The following GALNT2 variants were observed in gnomAD, a reference collection of about 807,000 sequenced individuals.
GALNT2 encodes polypeptide N-acetylgalactosaminyltransferase 2, also known as UDP-GalNAc:polypeptide N-acetylgalactosaminyltransferase 2.
A neutral mutation model predicts 81.4 loss-of-function variants in GALNT2; 31 were observed. The ratio of observed to expected loss-of-function variants is 0.38; its 90% CI spans 0.29 to 0.51. The LOEUF is 0.51. Ranked by LOEUF, GALNT2 falls within the 20% of genes least tolerant of loss-of-function variation. GALNT2 has a pLI of 0.87. For missense variants in GALNT2, 629 were observed against 765.7 expected, an observed-to-expected ratio of 0.82 and a Z score of 2.11; for synonymous variants, 303 against 287.4, an observed-to-expected ratio of 1.05 and a Z score of -0.55.
chr1:230,274,669 C>T (rs986381899), intron 15 of GALNT2, 105 bp downstream of exon 15: 12 of 1,383,680 alleles, frequency 8.7e-6, no homozygotes, highest in African/African-American at 5.8e-5. Flanking sequence ...TCCATCTCTG[C>T]GTGTACTTAT....
At chr1:230,137,429 G>A (rs1040612530) in intron 1 of GALNT2, among the ~76,000 whole-genome samples, 1 of 152,210 alleles carries the variant, frequency 6.6e-6, no homozygotes, top group African/African-American at 2.4e-5. Context: ...CCTGCAGGCT[G>A]CAGTGGCTGA....
intron 7 of GALNT2, among the ~76,000 whole-genome samples, chr1:230,245,225 A>G (rs1044017877): frequency 6.6e-6 from 1 of 151,986 alleles, no homozygotes; most frequent in African/African-American, 2.4e-5. Flanking sequence ...GCACTTTGGG[A>G]GGCCGAGGCA....
At chr1:230,223,046 T>C (rs1664597410) in intron 3 of GALNT2, among the ~76,000 whole-genome samples, 1 of 152,166 alleles carries the variant, frequency 6.6e-6, no homozygotes, top group Non-Finnish European at 1.5e-5. Flanking sequence ...TCAAAACCTT[T>C]GTTATTGATA....
At chr1:230,238,274 T>C (rs902340915) in intron 6 of GALNT2, among the ~76,000 whole-genome samples, 1 of 152,152 alleles carries the variant, frequency 6.6e-6, no homozygotes, top group Admixed American at 6.5e-5. Flanking sequence ...GTGAAAGCAG[T>C]CTTAGGATCA....
At chr1:230,144,446 C>T (rs971655804) in intron 1 of GALNT2, among the ~76,000 whole-genome samples, 2 of 152,204 alleles carry the variant, frequency 1.3e-5, no homozygotes, top group Non-Finnish European at 2.9e-5. Context: ...TAGCCGGTGC[C>T]TGCATGTGAA....
At chr1:230,202,732 A>G (rs1663928730) in intron 2 of GALNT2, among the ~76,000 whole-genome samples, 1 of 152,178 alleles carries the variant, frequency 6.6e-6, no homozygotes, top group Non-Finnish European at 1.5e-5. Flanking sequence ...ATGATGGAAT[A>G]CCTTATGTGC....
chr1:230,172,501 A>C (rs1281034428), intron 1 of GALNT2, among the ~76,000 whole-genome samples: 1 of 152,252 alleles, frequency 6.6e-6, no homozygotes, highest in African/African-American at 2.4e-5. Flanking sequence ...TGAGTTTTGC[A>C]GCAGTTGATA....
At chr1:230,270,586 C>A (rs1047439248) in intron 14 of GALNT2, among the ~76,000 whole-genome samples, 1 of 152,142 alleles carries the variant, frequency 6.6e-6, no homozygotes, top group Non-Finnish European at 1.5e-5. Context: ...CTCAGATATT[C>A]CAGCTCACAA....
chr1:230,123,353 G>A (rs1027719207), intron 1 of GALNT2, among the ~76,000 whole-genome samples: 7 of 152,176 alleles, frequency 4.6e-5, no homozygotes, highest in African/African-American at 1.4e-4. Flanking sequence ...AACCCGTTAG[G>A]GGAGTTCCAG....
chr1:230,212,988 C>A (rs369811354), intron 3 of GALNT2, among the ~76,000 whole-genome samples: 1 of 152,184 alleles, frequency 6.6e-6, no homozygotes, highest in Non-Finnish European at 1.5e-5. Flanking sequence ...CGTTTCAAGT[C>A]TCCTTTTCAA....
chr1:230,144,707 T>C (rs1661859955), intron 1 of GALNT2, among the ~76,000 whole-genome samples: 1 of 152,146 alleles, frequency 6.6e-6, no homozygotes, highest in Non-Finnish European at 1.5e-5. Context: ...TCGGATGTTA[T>C]TTTTCTTCTT....
chr1:230,220,189 C>T (rs566838300), intron 3 of GALNT2, among the ~76,000 whole-genome samples: 2 of 152,110 alleles, frequency 1.3e-5, no homozygotes, highest in East Asian at 1.9e-4. Flanking sequence ...ATCAGGAGAA[C>T]AGTCATCAGG....
At chr1:230,276,050 AC>A (rs1468164606) in intron 15 of GALNT2, among the ~76,000 whole-genome samples, 1 of 144,608 alleles carries the variant, frequency 6.9e-6, no homozygotes, top group Non-Finnish European at 1.5e-5. Context: ...TATACATGCC[AC>A]ATATATATAC....
intron 1 of GALNT2, among the ~76,000 whole-genome samples, chr1:230,166,335 C>A (rs562832416): frequency 1.3e-5 from 2 of 152,260 alleles, no homozygotes; most frequent in Non-Finnish European, 2.9e-5. Context: ...CCCGCAGCGT[C>A]ACTCATGAGT....
At chr1:230,277,277 C>T (rs993348404) in intron 15 of GALNT2, among the ~76,000 whole-genome samples, 1 of 152,124 alleles carries the variant, frequency 6.6e-6, no homozygotes, top group African/African-American at 2.4e-5. Flanking sequence ...AACCACAATC[C>T]CATCAGACAG....
At chr1:230,128,416 C>A (rs1661261990) in intron 1 of GALNT2, among the ~76,000 whole-genome samples, 1 of 152,214 alleles carries the variant, frequency 6.6e-6, no homozygotes, top group Non-Finnish European at 1.5e-5. Flanking sequence ...TTCCCCGAAG[C>A]TCTGTTCTGT....
chr1:230,271,480 G>T lies in GALNT2; in HGVS notation c.1441-2965G>T, dbSNP rs1188983927. 1.3e-5 allele frequency among the ~76,000 whole-genome samples: 2 copies of T among 152,168 alleles called. No homozygotes were observed. The highest frequency in any genetic ancestry group is 4.8e-5 in the African/African-American group (2 of 41,432). On this transcript the variant is annotated intron_variant, in intron 14 of 15. Transcript: ENST00000366672. The surrounding 1 kb of genome is among the most constrained non-coding windows in gnomAD (Gnocchi z 4.2). ...ACTCAGTTCTGACACTGCCTACCCA[G>T]AGTTAGCACAGACCCCACGGGTTAT...
chr1:230,200,305 A>G (rs1572079286), intron 2 of GALNT2, among the ~76,000 whole-genome samples: 1 of 151,914 alleles, frequency 6.6e-6, no homozygotes, highest in South Asian at 2.1e-4. Flanking sequence ...CTCGTGATCC[A>G]CCTGCCTCGG....
chr1:230,150,201 G>C (rs748929363), intron 1 of GALNT2, among the ~76,000 whole-genome samples: 49 of 152,298 alleles, frequency 3.2e-4, no homozygotes, highest in Admixed American at 7.2e-4. Flanking sequence ...GCCATCGCCT[G>C]CTTGGTGACT....
Sources: allele counts gnomAD v4.1 joint callset (sites outside exome capture counted in the v4.1 genomes callset), GRCh38; gene constraint gnomAD v4.1.1; non-coding constraint Gnocchi (gnomAD v3.1); transcripts MANE v1.5; gene names NCBI Gene and HGNC (gene_info 2026-07-23, HGNC 2026-07-21).